Variants in PTCHD1 observed in about 807,000 individuals in gnomAD.
PTCHD1 encodes the protein patched domain-containing protein 1.
Under a neutral mutation model 34.6 loss-of-function variants are expected in PTCHD1, and 3 were observed. That is an observed-to-expected ratio of 0.09 (90% CI 0.04 to 0.22). The LOEUF is 0.22. Among genes scored for constraint, PTCHD1 ranks in the 10% least tolerant of loss-of-function variants. The pLI is 1.00. For missense variants in PTCHD1, 504 were observed against 685.5 expected, an observed-to-expected ratio of 0.74 and a Z score of 2.96; for synonymous variants, 305 against 283.1, an observed-to-expected ratio of 1.08 and a Z score of -0.77.
Position 23,395,915 on chromosome X carries a change from C to G in PTCHD1, c.*1730C>G, listed in dbSNP as rs1361578061. The G allele has an allele frequency of 1.8e-5, 2 of 111,499 alleles. No homozygotes were observed. The highest frequency in any genetic ancestry group is 1.9e-4 in the Admixed American group (2 of 10,477). The allele number at this position is 111,499 out of a possible 1,213,427, so 9.2% of individuals were successfully genotyped here. A position where few individuals can be genotyped will look rare whatever the true frequency, so the allele number is the denominator to read the frequency against. On this transcript the variant is annotated 3_prime_UTR_variant, in exon 3 of 3. Transcript: ENST00000379361. ...ATAAAGTGACTCACTCAGGTCACACCACTAAAGGGTTTTCATCATTTCAGC... is the reference window on the plus strand; with the variant it reads ...ATAAAGTGACTCACTCAGGTCACACGACTAAAGGGTTTTCATCATTTCAGC...
intron 1 of PTCHD1, among the ~76,000 whole-genome samples, chrX:23,348,589 G>C (rs1026350934): frequency 9.1e-6 from 1 of 110,074 alleles, no homozygotes; most frequent in South Asian, 3.9e-4. Flanking sequence ...ACAAGGAAAA[G>C]AATTACATTA....
rs191632272 is a variant in PTCHD1, at chrX:23,367,977, T to C, written c.352-11614T>C. Among the ~76,000 whole-genome samples the C allele has an allele frequency of 1.6e-3, 179 of 110,806 alleles. 2 individuals are homozygous for C. The highest frequency in any genetic ancestry group is 5.6e-3 in the African/African-American group (171 of 30,453). On this transcript the variant is annotated intron_variant, in intron 1 of 2. Coordinates refer to ENST00000379361, the MANE Select transcript of PTCHD1 (RefSeq NM_173495.3). ...TTCCTGTGAAATTAACACTGCCCTC[T>C]TGCACTCCCAAAAGTGTTCCAGTTT... is the stretch of plus-strand genomic sequence containing the variant.
intron 1 of PTCHD1, 43 bp downstream of exon 1, chrX:23,335,269 C>CCGCGGT: frequency 9.2e-7 from 1 of 1,090,943 alleles, no homozygotes; most frequent in Non-Finnish European, 1.3e-6. Flanking sequence ...AGCGCCGCGG[C>CCGCGGT]CGCGGTCGGG....
At chrX:23,341,566 C>T (rs1921311616) in intron 1 of PTCHD1, among the ~76,000 whole-genome samples, 1 of 112,085 alleles carries the variant, frequency 8.9e-6, no homozygotes, top group Non-Finnish European at 1.9e-5. Context: ...CTTGATAGCA[C>T]ATCACAGCAA....
intron 1 of PTCHD1, among the ~76,000 whole-genome samples, chrX:23,373,233 T>A (rs923409821): frequency 6.2e-5 from 7 of 112,947 alleles, no homozygotes; most frequent in African/African-American, 2.2e-4. Context: ...CAATAAGGGC[T>A]GTCTTGGCTG....
chrX:23,340,252 C>A (rs1921270388), intron 1 of PTCHD1, among the ~76,000 whole-genome samples: 1 of 112,373 alleles, frequency 8.9e-6, no homozygotes. Flanking sequence ...ACTATTATGA[C>A]CTCTGAGGTG....
intron 1 of PTCHD1, among the ~76,000 whole-genome samples, chrX:23,353,725 A>T (rs747517109): frequency 3.6e-5 from 4 of 112,586 alleles, no homozygotes; most frequent in Non-Finnish European, 5.6e-5. Flanking sequence ...CCATTCAAGG[A>T]TTTAAAGCAG....
intron 2 of PTCHD1, among the ~76,000 whole-genome samples, chrX:23,385,150 T>C (rs1424858972): frequency 1.8e-5 from 2 of 111,732 alleles, no homozygotes; most frequent in Non-Finnish European, 3.8e-5. Context: ...TTTTTTGTAA[T>C]GGTCCATGGT....
rs1923008939 is a variant in PTCHD1 at position 23,397,078 on chromosome X, C to T, written c.*2893C>T. The T allele has an allele frequency of 8.9e-6, 1 of 111,836 alleles. No homozygotes were observed. The highest frequency in any genetic ancestry group is 3.3e-5 in the African/African-American group (1 of 30,762). 9.2% of individuals were successfully genotyped at this position (111,836 alleles called of 1,213,427 possible). On this transcript the variant is annotated 3_prime_UTR_variant, in exon 3 of 3. Transcript: ENST00000379361. ...TTAATTCCAACCAAGACATTAACGT[C>T]CACTTTACCAAAGAAACTTACTTGG...
intron 2 of PTCHD1, among the ~76,000 whole-genome samples, chrX:23,389,861 G>A (rs1189025486): frequency 1.8e-5 from 2 of 111,345 alleles, no homozygotes; most frequent in African/African-American, 6.5e-5. Flanking sequence ...AGAAGGACAA[G>A]GCATTTAAAA....
chrX:23,358,732 T>C lies in PTCHD1; in HGVS notation c.352-20859T>C, dbSNP rs1242359814. On this transcript the variant is annotated intron_variant, in intron 1 of 2. Coordinates refer to ENST00000379361, the MANE Select transcript of PTCHD1 (RefSeq NM_173495.3). Reference sequence around the variant, plus strand: ...CATGAAGTCCTTGCCCATGCCTATGTCCTGCATGGTATTACCTAAGTTTTC... The same window carrying C: ...CATGAAGTCCTTGCCCATGCCTATGCCCTGCATGGTATTACCTAAGTTTTC... Among the ~76,000 whole-genome samples the C allele has an allele frequency of 2.7e-5, 3 of 112,323 alleles. No individual in the cohort carries two copies. In the East Asian group the frequency reaches 8.3e-4, roughly 31 times the overall value.
At position 23,400,285 on chromosome X, in the gene PTCHD1, A is replaced by C; in HGVS notation, c.*6100A>C. On this transcript the variant is annotated 3_prime_UTR_variant, in exon 3 of 3. Coordinates refer to ENST00000379361, the MANE Select transcript of PTCHD1 (RefSeq NM_173495.3). ...ATCACGAGGTTAAGAGATTGAGACC[A>C]TCCTGGCCAGCATGGTGAAACCCCG... 1 of 111,461 alleles carries C rather than the reference A, an allele frequency of 9.0e-6. No homozygotes were observed. Among genetic ancestry groups the C allele is most frequent in the Admixed American group, 9.5e-5 (1 of 10,545 alleles). The allele number at this position is 111,461 out of a possible 1,213,427, so 9.2% of individuals were successfully genotyped here. A position where few individuals can be genotyped will look rare whatever the true frequency, so the allele number is the denominator to read the frequency against.
At chrX:23,362,956 G>C (rs1192314448) in intron 1 of PTCHD1, among the ~76,000 whole-genome samples, 1 of 112,404 alleles carries the variant, frequency 8.9e-6, no homozygotes, top group African/African-American at 3.2e-5. Flanking sequence ...TATCACCAGT[G>C]GAGGCTGCAG....
intron 2 of PTCHD1, among the ~76,000 whole-genome samples, chrX:23,386,945 G>A (rs766999195): frequency 8.9e-6 from 1 of 112,415 alleles, no homozygotes; most frequent in Admixed American, 9.4e-5. Context: ...AATCCTGCTA[G>A]TGTGGAGAGG....
intron 2 of PTCHD1, among the ~76,000 whole-genome samples, chrX:23,386,373 G>C (rs1190340862): frequency 8.9e-6 from 1 of 111,880 alleles, no homozygotes; most frequent in East Asian, 2.8e-4. Context: ...CTAGTACAAA[G>C]AATAAGATGT....
At chrX:23,382,443 A>C (rs899278193) in intron 2 of PTCHD1, among the ~76,000 whole-genome samples, 1 of 112,560 alleles carries the variant, frequency 8.9e-6, no homozygotes, top group Non-Finnish European at 1.9e-5. Context: ...AAATATTGTA[A>C]GGCAAAGTCA....
intron 2 of PTCHD1, among the ~76,000 whole-genome samples, chrX:23,388,832 A>G (rs1158626136): frequency 1.0e-5 from 1 of 100,340 alleles, no homozygotes; most frequent in Non-Finnish European, 2.1e-5. Flanking sequence ...CTCCGTCTCG[A>G]AAAAAAAAAA....
chrX:23,383,253 T>G (rs762144097), intron 2 of PTCHD1, among the ~76,000 whole-genome samples: 3 of 112,261 alleles, frequency 2.7e-5, no homozygotes, highest in African/African-American at 9.7e-5. Context: ...ATAGCCTCAT[T>G]TAAAAGGTAA....
At chrX:23,361,843 TG>T (rs779279555) in intron 1 of PTCHD1, among the ~76,000 whole-genome samples, 160 of 111,925 alleles carry the variant, frequency 1.4e-3, no homozygotes, top group African/African-American at 5.0e-3. Flanking sequence ...AAGGCAGGCC[TG>T]GGGGTAACAA....
Sources: allele counts gnomAD v4.1 joint callset (sites outside exome capture counted in the v4.1 genomes callset), GRCh38; gene constraint gnomAD v4.1.1; transcripts MANE v1.5; gene names NCBI Gene and HGNC (gene_info 2026-07-23, HGNC 2026-07-21).